The following VOPP1 variants were observed in gnomAD, a reference collection of about 807,000 sequenced individuals.
VOPP1 encodes WW domain binding protein VOPP1.
A neutral mutation model predicts 23.5 loss-of-function variants in VOPP1; 8 were observed. The observed-to-expected ratio is 0.34, with a 90% CI of 0.20 to 0.61. VOPP1 has a LOEUF of 0.61. Ranked by LOEUF, VOPP1 falls within the 20% of genes least tolerant of loss-of-function variation. The probability of loss-of-function intolerance (pLI) is 0.78; values close to 1 mark genes in which losing one functional copy is unlikely to be tolerated. For missense variants in VOPP1, 174 were observed against 238.1 expected, an observed-to-expected ratio of 0.73 and a Z score of 1.77; for synonymous variants, 83 against 97.3, an observed-to-expected ratio of 0.85 and a Z score of 0.86.
intron 4 of VOPP1, among the ~76,000 whole-genome samples, chr7:55,453,058 G>A (rs1280825356): frequency 6.6e-6 from 1 of 151,494 alleles, no homozygotes; most frequent in African/African-American, 2.4e-5. Flanking sequence ...AAACTCTGTT[G>A]TCGAGTGTAG....
intron 4 of VOPP1, among the ~76,000 whole-genome samples, chr7:55,475,473 T>C (rs1028695167): frequency 6.6e-6 from 1 of 152,128 alleles, no homozygotes; most frequent in African/African-American, 2.4e-5. Context: ...ACAGGAGAAC[T>C]GACCAAAAGC....
intron 3 of VOPP1, among the ~76,000 whole-genome samples, chr7:55,492,679 G>C (rs761452570): frequency 6.6e-6 from 1 of 152,196 alleles, no homozygotes; most frequent in African/African-American, 2.4e-5. Context: ...CCCCTGGTGA[G>C]GCCACCCACC....
intron 4 of VOPP1, among the ~76,000 whole-genome samples, chr7:55,476,080 G>A (rs781237799): frequency 9.8e-5 from 15 of 152,292 alleles, no homozygotes; most frequent in East Asian, 5.8e-4. Context: ...CAGGAGACTG[G>A]GGGCATCACG....
At position 55,477,045 on chromosome 7, in the gene VOPP1, A is replaced by C. The variant is rs1263277884; in HGVS notation, c.329-4000T>G. On this transcript the variant is annotated intron_variant, in intron 4 of 4. Transcript: ENST00000285279. ...AACCGTGTCTCCTGGAATGCCTGTG[A>C]CCACCTCATGCCAGGCACCTCCTAG... Among the ~76,000 whole-genome samples the C allele has an allele frequency of 3.9e-5, 6 of 152,174 alleles. No homozygotes were observed. In the East Asian group the frequency reaches 1.2e-3, roughly 29 times the overall value.
chr7:55,445,955 A>G (rs972748246), intron 4 of VOPP1, among the ~76,000 whole-genome samples: 5 of 149,718 alleles, frequency 3.3e-5, no homozygotes, highest in African/African-American at 1.2e-4. Context: ...AGAAAGTTCT[A>G]TTGGATAACA....
At chr7:55,567,848 G>T (rs1562636932) in intron 1 of VOPP1, among the ~76,000 whole-genome samples, 1 of 152,172 alleles carries the variant, frequency 6.6e-6, no homozygotes, top group Non-Finnish European at 1.5e-5. Context: ...TGGGCTGAAA[G>T]GTTTATTTCA....
At chr7:55,455,497 C>T (rs1383685803) in intron 4 of VOPP1, among the ~76,000 whole-genome samples, 1 of 152,180 alleles carries the variant, frequency 6.6e-6, no homozygotes, top group Non-Finnish European at 1.5e-5. Flanking sequence ...ATAGCCAAGA[C>T]AATTCTAAGC....
intron 2 of VOPP1, among the ~76,000 whole-genome samples, chr7:55,502,028 C>G (rs1002194628): frequency 6.6e-5 from 10 of 152,356 alleles, no homozygotes; most frequent in African/African-American, 2.4e-4. Flanking sequence ...AGCAGGTATA[C>G]ACTAATAAAT....
intron 4 of VOPP1, among the ~76,000 whole-genome samples, chr7:55,485,454 T>A (rs994819717): frequency 5.3e-5 from 8 of 152,260 alleles, no homozygotes; most frequent in African/African-American, 1.9e-4. Flanking sequence ...GAAATGCATG[T>A]CATATTTTTG....
At position 55,544,735 on chromosome 7, in the gene VOPP1, C is replaced by T. The variant is rs190982036; in HGVS notation, c.55-23605G>A. 3.7e-4 allele frequency among the ~76,000 whole-genome samples: 57 copies of T among 152,166 alleles called. 1 individual carries two copies. Among genetic ancestry groups the T allele is most frequent in the Admixed American group, 5.9e-4 (9 of 15,290 alleles). On this transcript the variant is annotated intron_variant, in intron 1 of 4. Coordinates refer to ENST00000285279, the MANE Select transcript of VOPP1 (RefSeq NM_030796.5). Reference sequence around the variant, plus strand: ...GGTGGAGAGCAGAGTTGGTGGAGACCGTGGAACTCAAGCAAACATCTGAAA... The same window carrying T: ...GGTGGAGAGCAGAGTTGGTGGAGACTGTGGAACTCAAGCAAACATCTGAAA...
At chr7:55,506,521 G>C (rs1413661088) in intron 2 of VOPP1, among the ~76,000 whole-genome samples, 3 of 151,838 alleles carry the variant, frequency 2.0e-5, no homozygotes, top group Non-Finnish European at 4.4e-5. Context: ...ATTTTTGGTA[G>C]AGACGGGGTT....
chr7:55,552,682 G>A (rs1206494752), intron 1 of VOPP1: 2 of 1,536,020 alleles, frequency 1.3e-6, no homozygotes, highest in Non-Finnish European at 1.7e-6. Context: ...ACAATGGGGG[G>A]CACTCAGGTC....
At chr7:55,494,386 G>A (rs1033802606) in intron 3 of VOPP1, among the ~76,000 whole-genome samples, 5 of 152,162 alleles carry the variant, frequency 3.3e-5, no homozygotes, top group African/African-American at 1.2e-4. Context: ...AGGCTCGCTG[G>A]ATTGAAAAAT....
chr7:55,572,490 C>T lies in VOPP1; in HGVS notation c.-166G>A. The stretch of plus-strand genomic sequence containing the variant: ...GGGAGCCGGGGCGCGCCGCGCAGCC[C>T]TGGCTGCGCTCCGCCCCCGGCCGCC... On this transcript the variant is annotated 5_prime_UTR_variant, in exon 1 of 5. Transcript: ENST00000285279. 4.1e-6 allele frequency: 1 copy of T among 244,932 alleles called. No homozygotes were observed. Among genetic ancestry groups the T allele is most frequent in the Non-Finnish European group, 6.4e-6 (1 of 156,432 alleles). The allele number at this position is 244,932 out of a possible 1,614,324, so 15.2% of individuals were successfully genotyped here.
At chr7:55,523,585 A>G (rs891936108) in intron 1 of VOPP1, among the ~76,000 whole-genome samples, 1 of 152,204 alleles carries the variant, frequency 6.6e-6, no homozygotes, top group Non-Finnish European at 1.5e-5. Context: ...TACCAGTGAG[A>G]GCTTGCACAC....
intron 2 of VOPP1, among the ~76,000 whole-genome samples, chr7:55,511,717 A>G (rs898195832): frequency 6.6e-5 from 10 of 152,218 alleles, no homozygotes; most frequent in Non-Finnish European, 1.5e-4. Context: ...GTGACCTGGA[A>G]GCCCTCTCCC....
At chr7:55,566,364 C>A (rs1001123380) in intron 1 of VOPP1, among the ~76,000 whole-genome samples, 1 of 151,994 alleles carries the variant, frequency 6.6e-6, no homozygotes, top group African/African-American at 2.4e-5. Context: ...CAGAGCCTGA[C>A]CAATATGGTG....
At chr7:55,534,814 G>A (rs759701116) in intron 1 of VOPP1, among the ~76,000 whole-genome samples, 1 of 152,164 alleles carries the variant, frequency 6.6e-6, no homozygotes, top group African/African-American at 2.4e-5. Flanking sequence ...CTGGACTTTG[G>A]GGAAAGTACC....
intron 4 of VOPP1, among the ~76,000 whole-genome samples, chr7:55,476,281 T>A (rs1335763413): frequency 6.6e-6 from 1 of 152,166 alleles, no homozygotes; most frequent in Non-Finnish European, 1.5e-5. Context: ...CAGCAAAGAC[T>A]GGGAGGACAC....
Sources: allele counts gnomAD v4.1 joint callset (sites outside exome capture counted in the v4.1 genomes callset), GRCh38; gene constraint gnomAD v4.1.1; transcripts MANE v1.5; gene names NCBI Gene and HGNC (gene_info 2026-07-23, HGNC 2026-07-21).